The following TSNARE1 variants were observed in gnomAD, a reference collection of about 807,000 sequenced individuals.
TSNARE1 encodes the protein t-SNARE domain containing 1.
TSNARE1 carries 49 observed loss-of-function variants against 62.0 expected under a neutral mutation model. The observed-to-expected ratio is 0.79, with a 90% CI of 0.63 to 1.00. TSNARE1 has a LOEUF of 1.00. Among genes scored for constraint, TSNARE1 ranks in the 50% least tolerant of loss-of-function variants. TSNARE1 has a pLI of 0.00. For synonymous variants in TSNARE1, 328 were observed against 294.4 expected, an observed-to-expected ratio of 1.11 and a Z score of -1.17; for missense variants, 755 against 700.1, an observed-to-expected ratio of 1.08 and a Z score of -0.88.
In TSNARE1 at chr8:142,318,585, A is replaced by G; in HGVS notation, c.943T>C (p.Ser315Pro). Reference sequence around the variant, plus strand: ...AGCAGCTCGGCCATCTGCTTCACGGAGCTGGCGCTGGCTGCAATGGTCTTG... The same window carrying G: ...AGCAGCTCGGCCATCTGCTTCACGGGGCTGGCGCTGGCTGCAATGGTCTTG... ...TNKTIAASAS[S>P]VKQMAELLRS... Residue 315 changes from serine (S) to proline (P), a missense_variant, in exon 7 of 14, where the codon TCC becomes CCC. Ser to Pro is a moderately conservative substitution (Grantham distance 74, BLOSUM62 -1). Coordinates refer to ENST00000524325, the MANE Select transcript of TSNARE1 (RefSeq NM_145003.5). 6 of 1,613,638 alleles carry G rather than the reference A, an allele frequency of 3.7e-6. No homozygotes were observed. The highest frequency in any genetic ancestry group is 5.1e-6 in the Non-Finnish European group (6 of 1,179,978).
rs374545040 is a variant in TSNARE1 at position 142,232,461 on chromosome 8, G to A, written c.1447-2882C>T. 1.9e-3 allele frequency among the ~76,000 whole-genome samples: 284 copies of A among 152,332 alleles called. 2 individuals carry two copies. The South Asian group carries it at 0.019, about 10-fold the overall frequency. On this transcript the variant is annotated intron_variant, in intron 12 of 13. Coordinates refer to ENST00000524325, the MANE Select transcript of TSNARE1 (RefSeq NM_145003.5). ...GTCTCTACCCTCCATCCCCCAACCC[G>A]CTGGGTTCAACAAATGAGGGGAGGG...
intron 1 of TSNARE1, among the ~76,000 whole-genome samples, chr8:142,380,850 T>C (rs1318116129): frequency 6.6e-6 from 1 of 151,810 alleles, no homozygotes; most frequent in Non-Finnish European, 1.5e-5. Flanking sequence ...ACGAGTACTA[T>C]CTTAGGAAAG....
At chr8:142,349,119 C>T (rs897163324) in intron 2 of TSNARE1, among the ~76,000 whole-genome samples, 1 of 152,224 alleles carries the variant, frequency 6.6e-6, no homozygotes, top group Admixed American at 6.5e-5. Flanking sequence ...CCCCATGCCC[C>T]AGAAGCAGCC....
chr8:142,377,805 C>A (rs867562025), intron 1 of TSNARE1, among the ~76,000 whole-genome samples: 1 of 152,172 alleles, frequency 6.6e-6, no homozygotes, highest in South Asian at 2.1e-4. Context: ...GCTGGAAGCA[C>A]TGGAAACAAA....
chr8:142,401,120 G>A (rs1232163947), intron 1 of TSNARE1, among the ~76,000 whole-genome samples: 3 of 152,206 alleles, frequency 2.0e-5, no homozygotes, highest in Admixed American at 6.5e-5. Flanking sequence ...CCACCTGGAA[G>A]GTGACTCCCT....
chr8:142,267,429 G>C (rs1487505448), intron 12 of TSNARE1, among the ~76,000 whole-genome samples: 1 of 152,184 alleles, frequency 6.6e-6, no homozygotes, highest in Non-Finnish European at 1.5e-5. Flanking sequence ...TGAGGCACCT[G>C]AAAACTGTCC....
At chr8:142,356,347 T>G (rs750644740) in intron 1 of TSNARE1, among the ~76,000 whole-genome samples, 14 of 152,014 alleles carry the variant, frequency 9.2e-5, no homozygotes, top group Non-Finnish European at 1.6e-4. Flanking sequence ...ATGGCCTCCC[T>G]CCCCTCTCTG....
At chr8:142,345,937 G>T (rs1370452508) in intron 2 of TSNARE1, 45 bp from the exon 3 acceptor site, 4 of 1,578,580 alleles carry the variant, frequency 2.5e-6, no homozygotes, top group Admixed American at 1.7e-5. Context: ...AGCTCAGGGC[G>T]CTCCTGGCAG....
At chr8:142,259,511 G>C (rs998726593) in intron 12 of TSNARE1, among the ~76,000 whole-genome samples, 2 of 152,210 alleles carry the variant, frequency 1.3e-5, no homozygotes, top group Admixed American at 1.3e-4. Flanking sequence ...ACTGGGGGAA[G>C]AATCTATAAC....
chr8:142,222,732 C>CCACT (rs1257637060), intron 13 of TSNARE1, among the ~76,000 whole-genome samples: 1 of 62,260 alleles, frequency 1.6e-5, no homozygotes, highest in African/African-American at 1.0e-4. Flanking sequence ...ACTCACTCAT[C>CCACT]CACTCACTCA....
chr8:142,263,560 G>C (rs1205437813), intron 12 of TSNARE1, among the ~76,000 whole-genome samples: 1 of 152,166 alleles, frequency 6.6e-6, no homozygotes, highest in Non-Finnish European at 1.5e-5. Flanking sequence ...TTCTTTGGAA[G>C]GTTTGTGTAA....
At chr8:142,223,113 T>C (rs1816523959) in intron 13 of TSNARE1, among the ~76,000 whole-genome samples, 1 of 35,986 alleles carries the variant, frequency 2.8e-5, no homozygotes, top group Non-Finnish European at 5.2e-5. Context: ...CACTCACTCG[T>C]TCACTCATTC....
In TSNARE1 at chr8:142,232,867, G is replaced by A. The variant is rs561811361; in HGVS notation, c.1447-3288C>T. On this transcript the variant is annotated intron_variant, in intron 12 of 13. Coordinates refer to ENST00000524325, the MANE Select transcript of TSNARE1 (RefSeq NM_145003.5). ...CCAGACTTGTCCAGCTCCCCTCCCCGACCCCAACTTCCGCATCAGCTGCTG... is the reference window on the plus strand; with the variant it reads ...CCAGACTTGTCCAGCTCCCCTCCCCAACCCCAACTTCCGCATCAGCTGCTG... 1.9e-4 allele frequency among the ~76,000 whole-genome samples: 29 copies of A among 152,266 alleles called. No homozygotes were observed. In the East Asian group the frequency reaches 2.7e-3, roughly 14 times the overall value.
At chr8:142,234,780 A>AG (rs1163835350) in intron 12 of TSNARE1, among the ~76,000 whole-genome samples, 1 of 151,994 alleles carries the variant, frequency 6.6e-6, no homozygotes, top group Non-Finnish European at 1.5e-5. Flanking sequence ...AGACATGGAG[A>AG]GGGGGAGACG....
chr8:142,213,517 C>T (rs1204803966), intron 13 of TSNARE1, among the ~76,000 whole-genome samples: 2 of 152,116 alleles, frequency 1.3e-5, no homozygotes, highest in East Asian at 2.0e-4. Context: ...CTATAAAAGT[C>T]CAATAAGGAC....
intron 1 of TSNARE1, among the ~76,000 whole-genome samples, chr8:142,389,469 A>G (rs1837330075): frequency 6.6e-6 from 1 of 152,226 alleles, no homozygotes; most frequent in East Asian, 1.9e-4. Context: ...CTTGTTCTGA[A>G]CATTTATCCT....
intron 10 of TSNARE1, among the ~76,000 whole-genome samples, chr8:142,290,183 C>T (rs1017016299): frequency 7.2e-5 from 11 of 152,136 alleles, no homozygotes; most frequent in Admixed American, 2.6e-4. Flanking sequence ...AGTCCTGGGG[C>T]GACAGAGAGG....
intron 11 of TSNARE1, among the ~76,000 whole-genome samples, chr8:142,283,497 G>A (rs1203899674): frequency 1.4e-5 from 2 of 147,638 alleles, no homozygotes; most frequent in African/African-American, 2.5e-5. Flanking sequence ...CTGTCAATGA[G>A]CGGAGGCGGG....
chr8:142,236,695 A>C (rs1466493214), intron 12 of TSNARE1, among the ~76,000 whole-genome samples: 1 of 151,818 alleles, frequency 6.6e-6, no homozygotes, highest in Non-Finnish European at 1.5e-5. Flanking sequence ...CCTCCAGACC[A>C]CCACCTCTTC....
Sources: gnomAD v4.1 joint callset for allele counts (sites outside exome capture counted in the v4.1 genomes callset) on GRCh38, gnomAD v4.1.1 for gene constraint, MANE v1.5 for transcripts, NCBI Gene and HGNC (gene_info 2026-07-23, HGNC 2026-07-21) for gene names.